Variants in TEX14 observed in about 807,000 individuals in gnomAD.
The protein encoded by TEX14 is inactive serine/threonine-protein kinase TEX14.
Under a neutral mutation model 178.6 loss-of-function variants are expected in TEX14, and 168 were observed. The ratio of observed to expected loss-of-function variants is 0.94; its 90% CI spans 0.83 to 1.07. The LOEUF is 1.07. Among genes scored for constraint, TEX14 ranks in the 50% least tolerant of loss-of-function variants. The pLI, the probability that TEX14 is intolerant of heterozygous loss-of-function variation, is 0.00. For synonymous variants in TEX14, 626 were observed against 634.1 expected (o/e 0.99, Z 0.19); for missense variants, 1,730 against 1,753.6 (o/e 0.99, Z 0.24).
chr17:58,629,445 CCATG>C (rs2046228106), intron 3 of TEX14, among the ~76,000 whole-genome samples: 1 of 144,024 alleles, frequency 6.9e-6, no homozygotes, highest in African/African-American at 2.6e-5. Context: ...CAGAGGCAGA[CCATG>C]TGTCAGGAAA....
chr17:58,595,487 C>T lies in TEX14; in HGVS notation c.2470-1826G>A, dbSNP rs2045258169. On this transcript the variant is annotated intron_variant, in intron 14 of 31. Transcript: ENST00000349033. ...AATTTCTTCGATCAACAGAAAGCAG[C>T]GAAAGTGATACAATCCTAGGGTCAG... 2.0e-5 allele frequency among the ~76,000 whole-genome samples: 3 copies of T among 152,168 alleles called. No homozygotes were observed. In the South Asian group the frequency reaches 6.2e-4, roughly 32 times the overall value.
In TEX14 at chr17:58,605,060, T is replaced by C. The variant is rs771198554; in HGVS notation, c.1254A>G (p.Ala418=). 8.1e-6 allele frequency: 13 copies of C among 1,614,106 alleles called. No homozygotes were observed. The highest frequency in any genetic ancestry group is 1.6e-4 in the Middle Eastern group (1 of 6,084). Residue 418 remains alanine, a synonymous_variant, in exon 11 of 32, where the codon GCA becomes GCG. Transcript: ENST00000349033. ...CTGCCTTCTGTAAGATCACTTCTGG[T>C]GCGGCCCAGTTGTATAGCTGCGTAG... The part of the protein sequence containing the change: ...PLPTQLYNWA[A]PEVILQKAAT...
intron 24 of TEX14, among the ~76,000 whole-genome samples, chr17:58,571,423 A>T (rs2044525796): frequency 6.6e-6 from 1 of 151,690 alleles, no homozygotes; most frequent in Non-Finnish European, 1.5e-5. Context: ...TCTTTTGTAG[A>T]GATGGGGTTT....
At chr17:58,661,121 T>A (rs756698734) in intron 1 of TEX14, 9 of 895,888 alleles carry the variant, frequency 1.0e-5, no homozygotes, top group South Asian at 7.8e-5. Context: ...TCGCTCTATT[T>A]TAGCCTGTCT....
rs150719887 is a variant in TEX14, at chr17:58,625,169, G to C, written c.252-2157C>G. On this transcript the variant is annotated intron_variant, in intron 3 of 31. Transcript: ENST00000349033. Reference sequence around the variant, plus strand: ...TTTTTTGAGACGAAGTCTCGCTCTTGTCCCCCAGGCTGCAGTACAATGGTG... The same window carrying C: ...TTTTTTGAGACGAAGTCTCGCTCTTCTCCCCCAGGCTGCAGTACAATGGTG... 6.1e-5 allele frequency among the ~76,000 whole-genome samples: 9 copies of C among 148,324 alleles called. No homozygotes were observed. The South Asian group carries it at 1.9e-3, about 31-fold the overall frequency.
chr17:58,584,280 A>C (rs941862012), intron 19 of TEX14, among the ~76,000 whole-genome samples: 2 of 152,184 alleles, frequency 1.3e-5, no homozygotes, highest in African/African-American at 4.8e-5. Flanking sequence ...GTACTCTCCC[A>C]ATCTCCAGGA....
At chr17:58,620,803 T>C (rs1437237887) in intron 5 of TEX14, among the ~76,000 whole-genome samples, 1 of 152,054 alleles carries the variant, frequency 6.6e-6, no homozygotes, top group African/African-American at 2.4e-5. Flanking sequence ...TGATTTCCAT[T>C]TTTAAAAGGT....
Position 58,622,910 on chromosome 17 carries a change from G to C in TEX14, c.354C>G (p.His118Gln). 1 of 1,613,212 alleles carries C rather than the reference G, an allele frequency of 6.2e-7. No individual in the cohort carries two copies. The highest frequency in any genetic ancestry group is 8.5e-7 in the Non-Finnish European group (1 of 1,179,358). ...TCTTCGGGTTTTGACCCCTCTCATC[G>C]TGGAGTCGCAGGTCACCTCCTGCAT... is the stretch of plus-strand genomic sequence containing the variant. ...LLDAGGDLRL[H>Q]DERGQNPKTW... Residue 118 changes from histidine (H) to glutamine (Q), a missense_variant, in exon 4 of 32, where the codon CAC (histidine) becomes CAG (glutamine). By Grantham distance (24) the His-to-Gln change is conservative (BLOSUM62 0). Coordinates refer to ENST00000349033, the MANE Select transcript of TEX14 (RefSeq NM_031272.5).
intron 1 of TEX14, among the ~76,000 whole-genome samples, chr17:58,668,350 T>C (rs1185802487): frequency 5.9e-5 from 9 of 152,178 alleles, no homozygotes; most frequent in Non-Finnish European, 1.5e-5. Flanking sequence ...AGCAAAAAAG[T>C]GCACCTCTCC....
At chr17:58,573,664 G>A (rs2044597449) in intron 22 of TEX14, among the ~76,000 whole-genome samples, 2 of 151,970 alleles carry the variant, frequency 1.3e-5, no homozygotes. Context: ...GACTACAAGC[G>A]TGTGCCACCA....
intron 1 of TEX14, among the ~76,000 whole-genome samples, chr17:58,656,991 T>TA (rs1230914093): frequency 6.6e-6 from 1 of 151,732 alleles, no homozygotes; most frequent in African/African-American, 2.4e-5. Context: ...TTAATGTTTT[T>TA]AGAGGTGGGA....
intron 10 of TEX14, among the ~76,000 whole-genome samples, chr17:58,609,809 T>C (rs915030299): frequency 3.9e-5 from 6 of 152,164 alleles, no homozygotes; most frequent in Admixed American, 6.5e-5. Context: ...TTCTGGGCAT[T>C]TGAGATATAG....
intron 1 of TEX14, among the ~76,000 whole-genome samples, chr17:58,672,223 G>A (rs956439597): frequency 3.9e-5 from 6 of 152,086 alleles, no homozygotes; most frequent in East Asian, 1.9e-4. Flanking sequence ...CCTGCTGTGC[G>A]GCCTAGTTCC....
chr17:58,599,962 A>G (rs1598373852), intron 13 of TEX14, among the ~76,000 whole-genome samples: 1 of 152,202 alleles, frequency 6.6e-6, no homozygotes, highest in East Asian at 1.9e-4. Context: ...AACATGCATA[A>G]CTGTCAGGAC....
chr17:58,649,553 C>A (rs772303247), intron 2 of TEX14, among the ~76,000 whole-genome samples: 10 of 152,020 alleles, frequency 6.6e-5, no homozygotes, highest in Non-Finnish European at 1.5e-4. Flanking sequence ...TAACCCCATC[C>A]CTTACTCTAA....
chr17:58,621,705 C>CGAA lies in TEX14; in HGVS notation c.498_499insTTC (p.Ile166_Asp167insPhe), dbSNP rs1407021648. ...CTGTAGACAAGCCGCTGCGGGGAGT[C>CGAA]TATCTTCTTCAGGAGGTCGTAAGAG... On this transcript the variant is annotated inframe_insertion, in exon 5 of 32. Transcript: ENST00000349033. 1 of 1,614,198 alleles carries CGAA rather than the reference C, an allele frequency of 6.2e-7. No individual in the cohort carries two copies. Among genetic ancestry groups the CGAA allele is most frequent in the Admixed American group, 1.7e-5 (1 of 60,022 alleles).
At chr17:58,590,259 C>CAAAAAAA (rs35100175) in intron 15 of TEX14, among the ~76,000 whole-genome samples, 2 of 93,824 alleles carry the variant, frequency 2.1e-5, no homozygotes, top group African/African-American at 4.1e-5. Context: ...GACTCTGTGT[C>CAAAAAAA]AAAAAAAAAA....
At chr17:58,563,433 TAAAC>T (rs919787498) in intron 28 of TEX14, among the ~76,000 whole-genome samples, 3 of 150,830 alleles carry the variant, frequency 2.0e-5, no homozygotes, top group African/African-American at 4.9e-5. Flanking sequence ...GAAGTAAAAA[TAAAC>T]AAACAAAACC....
At chr17:58,617,477 T>G in intron 6 of TEX14, 61 bp downstream of exon 6, 1 of 1,269,652 alleles carries the variant, frequency 7.9e-7, no homozygotes, top group South Asian at 1.2e-5. Context: ...AGGTGGGAGA[T>G]GGGGCCCGAT....
Sources: allele counts gnomAD v4.1 joint callset (sites outside exome capture counted in the v4.1 genomes callset), GRCh38; gene constraint gnomAD v4.1.1; transcripts MANE v1.5; gene names NCBI Gene and HGNC (gene_info 2026-07-23, HGNC 2026-07-21).